The following LIMCH1 variants were observed in gnomAD, a reference collection of about 807,000 sequenced individuals.
The protein encoded by LIMCH1 is LIM and calponin homology domains-containing protein 1.
LIMCH1 carries 113 observed loss-of-function variants against 176.5 expected under a neutral mutation model. The observed-to-expected ratio is 0.64, with a 90% CI of 0.55 to 0.75. The LOEUF (loss-of-function observed/expected upper bound fraction) is 0.75, where lower values mean the gene tolerates loss of function less well. Ranked by LOEUF, LIMCH1 falls within the 30% of genes least tolerant of loss-of-function variation. The pLI, the probability that LIMCH1 is intolerant of heterozygous loss-of-function variation, is 0.00. For missense variants in LIMCH1, 1,674 were observed against 1,814.9 expected (o/e 0.92, Z 1.41); for synonymous variants, 619 against 645.9 (o/e 0.96, Z 0.63).
intron 14 of LIMCH1, 24 bp from the exon 15 acceptor site, chr4:41,644,474 CTT>C: frequency 2.0e-6 from 3 of 1,500,180 alleles, no homozygotes; most frequent in Non-Finnish European, 2.7e-6. Flanking sequence ...CGCGGTCCCT[CTT>C]GTGTTCGCTC....
chr4:41,602,072 G>GGT (rs141117600), intron 2 of LIMCH1, among the ~76,000 whole-genome samples: 5,715 of 141,054 alleles, frequency 0.041, 150 homozygotes, highest in African/African-American at 0.066. Flanking sequence ...TTTCTTGTGT[G>GGT]GTGTGTGTGT....
chr4:41,364,513 C>T (rs1347414263), intron 1 of LIMCH1, among the ~76,000 whole-genome samples: 3 of 152,076 alleles, frequency 2.0e-5, no homozygotes, highest in Non-Finnish European at 4.4e-5. Flanking sequence ...ACTCTGGATA[C>T]CTGGAGTCGA....
At chr4:41,389,125 A>C (rs2154109170) in intron 1 of LIMCH1, 1 of 152,338 alleles carries the variant, frequency 6.6e-6, no homozygotes, top group South Asian at 2.1e-4. Flanking sequence ...ATACCACCTA[A>C]GTTTGACCCC....
chr4:41,514,494 C>T (rs2075345831), intron 2 of LIMCH1, among the ~76,000 whole-genome samples: 1 of 152,130 alleles, frequency 6.6e-6, no homozygotes. Context: ...TATGAAGAGA[C>T]TTTGTATGCT....
intron 21 of LIMCH1, among the ~76,000 whole-genome samples, chr4:41,671,226 A>G (rs1180481059): frequency 1.3e-5 from 2 of 152,158 alleles, no homozygotes; most frequent in South Asian, 2.1e-4. Flanking sequence ...TGCAAGGTGC[A>G]CTAAGAATCA....
intron 31 of LIMCH1, 94 bp downstream of exon 31, chr4:41,692,478 G>T: frequency 1.3e-6 from 1 of 751,754 alleles, no homozygotes; most frequent in East Asian, 2.6e-5. Flanking sequence ...TTCCCCAGCC[G>T]TTGACACTCT....
At chr4:41,484,520 C>T (rs192631493) in intron 1 of LIMCH1, among the ~76,000 whole-genome samples, 114 of 152,298 alleles carry the variant, frequency 7.5e-4, no homozygotes, top group Non-Finnish European at 1.3e-3. Flanking sequence ...TGCTTTATTT[C>T]ACAATTTAGG....
At chr4:41,410,887 G>T (rs1353538829) in intron 1 of LIMCH1, among the ~76,000 whole-genome samples, 1 of 152,142 alleles carries the variant, frequency 6.6e-6, no homozygotes, top group East Asian at 1.9e-4. Flanking sequence ...GGGCTGACCT[G>T]GCCCTTACCT....
intron 2 of LIMCH1, among the ~76,000 whole-genome samples, chr4:41,509,164 GA>G (rs994326583): frequency 6.6e-6 from 1 of 152,180 alleles, no homozygotes; most frequent in African/African-American, 2.4e-5. Context: ...AGCTAACTGG[GA>G]TATATGGTCA....
chr4:41,664,636 T>G (rs552086743), intron 20 of LIMCH1, among the ~76,000 whole-genome samples: 1 of 152,300 alleles, frequency 6.6e-6, no homozygotes, highest in South Asian at 2.1e-4. Context: ...TTTTCCCACT[T>G]AAATCTAAAC....
chr4:41,689,613 A>T lies in LIMCH1; in HGVS notation c.4253A>T (p.Tyr1418Phe), dbSNP rs137939446. 1 of 1,608,418 alleles carries T rather than the reference A, an allele frequency of 6.2e-7. No homozygotes were observed. Among genetic ancestry groups the T allele is most frequent in the Non-Finnish European group, 8.5e-7 (1 of 1,175,082 alleles). The change falls in exon 30 of 32, where the codon TAT (tyrosine) becomes TTT (phenylalanine). Residue 1418 changes from tyrosine to phenylalanine, a missense_variant. This residue lies in a region of LIMCH1 where 1,015 missense variants were observed against 1,102.5 expected (regional missense o/e 0.92). Transcript: ENST00000503057. ...ATGATCATCGAGACCCTCAATCTCT[A>T]TTTTCACATCCAGTGTTTCAGGGTA... is the stretch of plus-strand genomic sequence containing the variant. The part of the protein sequence containing the change: ...AAMIIETLNL[Y>F]FHIQCFRCGI...
rs2070247299 is a variant in LIMCH1, at chr4:41,489,049, C to T, written c.97-5487C>T. 2.6e-5 allele frequency among the ~76,000 whole-genome samples: 4 copies of T among 152,210 alleles called. No homozygotes were observed. The East Asian group carries it at 5.8e-4, about 22-fold the overall frequency. On this transcript the variant is annotated intron_variant, in intron 1 of 26. Transcript: ENST00000313860. ...GATTTATCAAGTTCATCTAAGTTGA[C>T]AAAGTTATTGGTACAAATTTATTTA...
chr4:41,551,572 A>T (rs2080433156), intron 1 of LIMCH1, among the ~76,000 whole-genome samples: 1 of 152,182 alleles, frequency 6.6e-6, no homozygotes, highest in Admixed American at 6.5e-5. Flanking sequence ...AGGTCAAGGA[A>T]CTATACCCTG....
intron 2 of LIMCH1, among the ~76,000 whole-genome samples, chr4:41,599,953 AT>A (rs952290916): frequency 1.1e-4 from 17 of 151,962 alleles, no homozygotes; most frequent in African/African-American, 4.1e-4. Flanking sequence ...ATTTTATACT[AT>A]TTGCTTGATT....
chr4:41,699,459 T>C lies in LIMCH1; in HGVS notation c.*2274T>C, dbSNP rs894557044. 1 of 152,190 alleles carries C rather than the reference T, an allele frequency of 6.6e-6. No homozygotes were observed. Among genetic ancestry groups the C allele is most frequent in the Non-Finnish European group, 1.5e-5 (1 of 68,030 alleles). The allele number at this position is 152,190 out of a possible 1,614,324, so 9.4% of individuals were successfully genotyped here. A position where few individuals can be genotyped will look rare whatever the true frequency, so the allele number is the denominator to read the frequency against. On this transcript the variant is annotated 3_prime_UTR_variant, in exon 32 of 32. Transcript: ENST00000503057. ...TGTTTCTATTTATATTTGATTTATATTTCATTTGGAGTCTGTTACATGGCA... is the reference window on the plus strand; with the variant it reads ...TGTTTCTATTTATATTTGATTTATACTTCATTTGGAGTCTGTTACATGGCA...
Position 41,368,971 on chromosome 4 carries a change from C to CT in LIMCH1, c.96+8039dup, listed in dbSNP as rs552019603. Among the ~76,000 whole-genome samples the CT allele has an allele frequency of 5.3e-5, 8 of 152,304 alleles. No homozygotes were observed. In the East Asian group the frequency reaches 1.2e-3, roughly 22 times the overall value. ...GAAGGGGCTGCGGGAAACCTGCTTG[C>CT]TTTTCAGTGAGGGAAGAGAGCCATT... On this transcript the variant is annotated intron_variant, in intron 1 of 26. Coordinates refer to the LIMCH1 transcript ENST00000313860.
intron 1 of LIMCH1, among the ~76,000 whole-genome samples, chr4:41,442,540 A>G (rs1304085877): frequency 1.3e-5 from 2 of 152,214 alleles, no homozygotes; most frequent in African/African-American, 4.8e-5. Context: ...TAGTTAACCA[A>G]CTAGCTGATT....
chr4:41,474,549 A>G (rs2067449275), intron 1 of LIMCH1, among the ~76,000 whole-genome samples: 1 of 152,174 alleles, frequency 6.6e-6, no homozygotes, highest in Admixed American at 6.5e-5. Flanking sequence ...AAGACACACA[A>G]ATGGCCAACA....
At position 41,650,995 on chromosome 4, in the gene LIMCH1, C is replaced by CTATTTTATTTTATTT. The variant is rs751238492; in HGVS notation, c.3036+399_3036+413dup. On this transcript the variant is annotated intron_variant, in intron 18 of 31. Transcript: ENST00000503057. ...TGGATGTGTCTGTATTCAGATTTCC[C>CTATTTTATTTTATTT]TATTTTATTTTATTTTATTTTATTT... 4.9e-3 allele frequency among the ~76,000 whole-genome samples: 738 copies of CTATTTTATTTTATTT among 150,912 alleles called. 4 individuals are homozygous for CTATTTTATTTTATTT. The highest frequency in any genetic ancestry group is 0.017 in the African/African-American group (683 of 40,754).
Sources: allele counts gnomAD v4.1 joint callset (sites outside exome capture counted in the v4.1 genomes callset), GRCh38; gene constraint gnomAD v4.1.1; regional missense constraint gnomAD v4.1.1; transcripts MANE v1.5; gene names NCBI Gene and HGNC (gene_info 2026-07-23, HGNC 2026-07-21).